LRRC75A: variants seen among roughly 807,000 people sequenced by gnomAD.
LRRC75A encodes the protein leucine-rich repeat-containing protein 75A.
LRRC75A carries 12 observed loss-of-function variants against 26.0 expected under a neutral mutation model. The observed-to-expected ratio is 0.46, with a 90% confidence interval of 0.30 to 0.75. The LOEUF (loss-of-function observed/expected upper bound fraction) is 0.75, where lower values mean the gene tolerates loss of function less well. Ranked by LOEUF, LRRC75A falls within the 30% of genes least tolerant of loss-of-function variation. The probability of loss-of-function intolerance (pLI) is 0.08; values close to 1 mark genes in which losing one functional copy is unlikely to be tolerated. For missense variants in LRRC75A, 410 were observed against 486.6 expected (o/e 0.84, Z 1.48); for synonymous variants, 223 against 219.3 (o/e 1.02, Z -0.15).
rs775139772 is a variant in LRRC75A at position 16,443,954 on chromosome 17, C to T, written c.669G>A (p.Leu223=). 20 of 1,613,344 alleles carry T rather than the reference C, an allele frequency of 1.2e-5. No homozygotes were observed. Among genetic ancestry groups the T allele is most frequent in the Non-Finnish European group, 1.7e-5 (20 of 1,179,996 alleles). The change falls in exon 4 of 4, where the codon CTG becomes CTA. Residue 223 remains leucine, a synonymous_variant. Transcript: ENST00000470794. ...GGCGGGGCAGGGTGCTGAGTGCTGGCAGCAGCTGCAGGACCATGTCGTCCG... is the reference window on the plus strand; with the variant it reads ...GGCGGGGCAGGGTGCTGAGTGCTGGTAGCAGCTGCAGGACCATGTCGTCCG... ...GLTDDMVLQL[L]PALSTLPRLT...
At chr17:16,446,324 G>A (rs112007664) in intron 3 of LRRC75A, among the ~76,000 whole-genome samples, 63 of 152,328 alleles carry the variant, frequency 4.1e-4, no homozygotes, top group African/African-American at 1.1e-3. Context: ...CCTCTACTAG[G>A]GGGAGACAGA....
chr17:16,488,425 T>C (rs2093851224), intron 1 of LRRC75A, among the ~76,000 whole-genome samples: 1 of 152,238 alleles, frequency 6.6e-6, no homozygotes, highest in African/African-American at 2.4e-5. Context: ...ACCCTGCCCC[T>C]ACTGGGGCCA....
At chr17:16,467,605 T>C (rs2093779415) in intron 1 of LRRC75A, among the ~76,000 whole-genome samples, 1 of 152,200 alleles carries the variant, frequency 6.6e-6, no homozygotes, top group Non-Finnish European at 1.5e-5. Context: ...ACAACCTGGC[T>C]CAACAGAAAC....
At chr17:16,446,913 G>T in intron 3 of LRRC75A, 1 of 354,332 alleles carries the variant, frequency 2.8e-6, no homozygotes. Flanking sequence ...GCCTCTCCAG[G>T]ATCCATCTCC....
intron 1 of LRRC75A, among the ~76,000 whole-genome samples, chr17:16,480,352 G>A (rs148346600): frequency 0.012 from 1,817 of 152,212 alleles, 43 homozygotes; most frequent in African/African-American, 0.041. Flanking sequence ...ACCGCTGCCC[G>A]GGCACGGTGG....
intron 2 of LRRC75A, 71 bp from the exon 3 acceptor site, chr17:16,448,031 G>T (rs1255229003): frequency 7.3e-7 from 1 of 1,377,484 alleles, no homozygotes; most frequent in Non-Finnish European, 1.0e-6. Context: ...CAGGCTTCCT[G>T]TCTCCCGGGT....
At chr17:16,446,930 TG>T (rs1193771120) in intron 3 of LRRC75A, 1 of 260,272 alleles carries the variant, frequency 3.8e-6, no homozygotes. Context: ...CTCCTAGTTG[TG>T]GGTGGGGGTG....
chr17:16,454,259 G>C (rs2093658206), intron 2 of LRRC75A, among the ~76,000 whole-genome samples: 1 of 152,096 alleles, frequency 6.6e-6, no homozygotes, highest in Non-Finnish European at 1.5e-5. Context: ...AGGCATGGTG[G>C]CGGGCACCTG....
At chr17:16,457,006 G>C (rs1162311700) in intron 2 of LRRC75A, among the ~76,000 whole-genome samples, 1 of 152,182 alleles carries the variant, frequency 6.6e-6, no homozygotes, top group Non-Finnish European at 1.5e-5. Context: ...GGGGCAGAAC[G>C]TGTTTGAGGG....
intron 1 of LRRC75A, among the ~76,000 whole-genome samples, chr17:16,484,963 TAAA>T (rs56383905): frequency 1.4e-4 from 17 of 123,950 alleles, no homozygotes; most frequent in African/African-American, 4.0e-4. Flanking sequence ...TAATAAAAGT[TAAA>T]AAAAAAAAAA....
chr17:16,446,930 T>C, intron 3 of LRRC75A: 1 of 260,274 alleles, frequency 3.8e-6, no homozygotes, highest in Non-Finnish European at 7.2e-6. Context: ...CTCCTAGTTG[T>C]GGGTGGGGGT....
chr17:16,485,579 C>T (rs919255053), intron 1 of LRRC75A, among the ~76,000 whole-genome samples: 2 of 150,220 alleles, frequency 1.3e-5, no homozygotes, highest in Non-Finnish European at 2.9e-5. Context: ...TTATAGCAGC[C>T]GGAAAGGACT....
intron 1 of LRRC75A, among the ~76,000 whole-genome samples, chr17:16,484,963 T>TAAAA (rs56383905): frequency 8.1e-6 from 1 of 123,966 alleles, no homozygotes; most frequent in African/African-American, 2.9e-5. Context: ...TAATAAAAGT[T>TAAAA]AAAAAAAAAA....
At position 16,474,460 on chromosome 17, in the gene LRRC75A, G is replaced by A. The variant is rs552203555; in HGVS notation, c.247-12074C>T. On this transcript the variant is annotated intron_variant, in intron 1 of 3. Transcript: ENST00000470794. ...GATTTATTTCCCAAGCACCTCCCCT[G>A]CTTCCCCAGGACCTCTTGTGGGACT... 9.2e-5 allele frequency among the ~76,000 whole-genome samples: 14 copies of A among 152,288 alleles called. No individual in the cohort carries two copies. The South Asian group carries it at 2.9e-3, about 32-fold the overall frequency.
Position 16,462,657 on chromosome 17 carries a change from C to T in LRRC75A, c.247-271G>A, listed in dbSNP as rs1381080187. Among the ~76,000 whole-genome samples the T allele has an allele frequency of 6.6e-6, 1 of 152,232 alleles. No individual in the cohort carries two copies. Among genetic ancestry groups the T allele is most frequent in the Non-Finnish European group, 1.5e-5 (1 of 68,048 alleles). On this transcript the variant is annotated intron_variant, in intron 1 of 3. Transcript: ENST00000470794. The surrounding 1 kb of genome is among the most constrained non-coding windows in gnomAD (Gnocchi z 4.6). ...GCCCTCTCCTAGGACAGCCCCTGACCTTTGTCTCTCTGGTTTTCCAGAGGA... is the reference window on the plus strand; with the variant it reads ...GCCCTCTCCTAGGACAGCCCCTGACTTTTGTCTCTCTGGTTTTCCAGAGGA...
rs569263766 is a variant in LRRC75A, at chr17:16,469,245, G to A, written c.247-6859C>T. Among the ~76,000 whole-genome samples, 13 of 152,150 alleles carry A rather than the reference G, an allele frequency of 8.5e-5. 1 individual carries two copies. The highest frequency in any genetic ancestry group is 1.3e-4 in the Non-Finnish European group (9 of 68,014). ...CTGCCCCCAAGAAGGATTGTAAGTC[G>A]CCTAGCATTTCATTTCCTTGCAATT... On this transcript the variant is annotated intron_variant, in intron 1 of 3. Transcript: ENST00000470794.
intron 3 of LRRC75A, among the ~76,000 whole-genome samples, chr17:16,447,461 C>T (rs1024578552): frequency 2.0e-5 from 3 of 152,110 alleles, no homozygotes; most frequent in African/African-American, 4.8e-5. Context: ...TGCACCACCA[C>T]GCCTGGCTAA....
intron 1 of LRRC75A, among the ~76,000 whole-genome samples, chr17:16,466,992 G>A (rs1263636865): frequency 2.0e-5 from 3 of 151,862 alleles, no homozygotes; most frequent in African/African-American, 4.8e-5. Flanking sequence ...ACAACCTGTC[G>A]CAAGACCCAG....
intron 1 of LRRC75A, among the ~76,000 whole-genome samples, chr17:16,473,298 CCAAAG>C (rs937859519): frequency 2.0e-5 from 3 of 152,148 alleles, no homozygotes; most frequent in African/African-American, 7.2e-5. Context: ...TTGGAAGACA[CCAAAG>C]CAAAGCAGAC....
Sources: gnomAD v4.1 joint callset for allele counts (sites outside exome capture counted in the v4.1 genomes callset) on GRCh38, gnomAD v4.1.1 for gene constraint, Gnocchi (gnomAD v3.1) non-coding constraint, MANE v1.5 for transcripts, NCBI Gene and HGNC (gene_info 2026-07-23, HGNC 2026-07-21) for gene names.